Variants in PCDH9 observed in about 807,000 individuals in gnomAD.
PCDH9 encodes the protein protocadherin-9.
In PCDH9, 24 loss-of-function variants were observed where a neutral mutation model predicts 70.6. The ratio of observed to expected loss-of-function variants is 0.34; its 90% CI spans 0.25 to 0.48. The LOEUF (loss-of-function observed/expected upper bound fraction) is 0.48. Ranked by LOEUF, PCDH9 falls within the 20% of genes least tolerant of loss-of-function variation. PCDH9 has a pLI of 0.99. For synonymous variants in PCDH9, 562 were observed against 558.5 expected (o/e 1.01, Z -0.09); for missense variants, 1,281 against 1,503.6 (o/e 0.85, Z 2.45).
intron 4 of PCDH9, among the ~76,000 whole-genome samples, chr13:66,607,286 G>A (rs1232731457): frequency 6.6e-6 from 1 of 151,982 alleles, no homozygotes; most frequent in Non-Finnish European, 1.5e-5. Context: ...GTACTTAATT[G>A]ATAAGTATGA....
chr13:66,883,654 AAGGCCTTCAAGAAAGAAACCTGGGGTTTT>A (rs1323628941), intron 3 of PCDH9, among the ~76,000 whole-genome samples: 2 of 152,206 alleles, frequency 1.3e-5, no homozygotes, highest in African/African-American at 2.4e-5. Context: ...GAGTTAAAAA[AAGGCCTTCAAGAAAGAAACCTGGGGTTTT>A]TAATATTTGC....
intron 2 of PCDH9, chr13:67,205,349 C>T (rs1409677809): frequency 2.0e-5 from 3 of 152,116 alleles, no homozygotes; most frequent in Admixed American, 6.5e-5. Flanking sequence ...TTGAATACTG[C>T]TTTTTAATTA....
At chr13:66,954,791 T>A (rs553590392) in intron 2 of PCDH9, among the ~76,000 whole-genome samples, 7 of 152,162 alleles carry the variant, frequency 4.6e-5, no homozygotes, top group Non-Finnish European at 8.8e-5. Context: ...TGAGACGGAG[T>A]CTCGCTCTGT....
chr13:66,813,902 T>C (rs1303827637), intron 3 of PCDH9, among the ~76,000 whole-genome samples: 3 of 152,036 alleles, frequency 2.0e-5, no homozygotes, highest in African/African-American at 4.8e-5. Context: ...AGTTGAAAAA[T>C]AGTAAAGATA....
chr13:67,080,714 G>A (rs1056120084), intron 2 of PCDH9, among the ~76,000 whole-genome samples: 1 of 152,126 alleles, frequency 6.6e-6, no homozygotes, highest in Admixed American at 6.6e-5. Context: ...TTGTATTCAG[G>A]CAAACTGCCT....
intron 2 of PCDH9, among the ~76,000 whole-genome samples, chr13:67,151,516 G>C (rs1286671808): frequency 6.6e-6 from 1 of 151,990 alleles, no homozygotes; most frequent in Non-Finnish European, 1.5e-5. Flanking sequence ...AAAAAAAATA[G>C]GCATAGTTTT....
intron 3 of PCDH9, among the ~76,000 whole-genome samples, chr13:66,871,411 A>C (rs1221120593): frequency 7.3e-6 from 1 of 137,690 alleles, no homozygotes; most frequent in Non-Finnish European, 1.6e-5. Context: ...TAAAAATAAA[A>C]ATAAAAAATA....
At chr13:67,002,459 TA>T (rs1220748183) in intron 2 of PCDH9, among the ~76,000 whole-genome samples, 4 of 151,934 alleles carry the variant, frequency 2.6e-5, no homozygotes, top group African/African-American at 9.6e-5. Context: ...TCTGAATTTT[TA>T]AATTTATTAA....
chr13:67,025,263 G>C (rs2084757493), intron 2 of PCDH9, among the ~76,000 whole-genome samples: 1 of 152,010 alleles, frequency 6.6e-6, no homozygotes, highest in Non-Finnish European at 1.5e-5. Context: ...TGAAAAGCCA[G>C]GCCATGTGGT....
intron 4 of PCDH9, among the ~76,000 whole-genome samples, chr13:66,324,584 T>C (rs1241187261): frequency 1.3e-5 from 2 of 152,016 alleles, no homozygotes; most frequent in Non-Finnish European, 2.9e-5. Context: ...TAAAACTATA[T>C]GTGCCAATTA....
intron 3 of PCDH9, among the ~76,000 whole-genome samples, chr13:66,689,118 T>C (rs1421886066): frequency 6.6e-6 from 1 of 152,148 alleles, no homozygotes; most frequent in East Asian, 1.9e-4. Context: ...ATGCTATCCT[T>C]ATAAATTCTG....
chr13:67,203,208 G>A (rs1007182638), intron 2 of PCDH9: 2 of 151,946 alleles, frequency 1.3e-5, no homozygotes, highest in Admixed American at 1.3e-4. Flanking sequence ...ATATAAACAA[G>A]CTTTCATAAG....
At chr13:66,400,013 C>G in intron 4 of PCDH9, among the ~76,000 whole-genome samples, 1 of 152,156 alleles carries the variant, frequency 6.6e-6, no homozygotes, top group East Asian at 1.9e-4. Context: ...CAAAGCTATT[C>G]CCAGTGCAGT....
At chr13:66,636,565 G>T (rs1381738614) in intron 3 of PCDH9, among the ~76,000 whole-genome samples, 3 of 151,956 alleles carry the variant, frequency 2.0e-5, no homozygotes, top group Non-Finnish European at 4.4e-5. Flanking sequence ...GTTATACATT[G>T]ATATTATGAA....
At chr13:66,315,877 C>T (rs890960926) in intron 4 of PCDH9, among the ~76,000 whole-genome samples, 30 of 152,176 alleles carry the variant, frequency 2.0e-4, no homozygotes, top group Non-Finnish European at 3.5e-4. Flanking sequence ...CCTGTTGCCA[C>T]GGAGACAAAT....
At chr13:67,166,511 G>A (rs2088120239) in intron 2 of PCDH9, among the ~76,000 whole-genome samples, 1 of 152,082 alleles carries the variant, frequency 6.6e-6, no homozygotes, top group Non-Finnish European at 1.5e-5. Flanking sequence ...ATTTTAATGA[G>A]CTTTTATAAA....
chr13:67,199,162 A>T (rs1366399252), intron 2 of PCDH9, among the ~76,000 whole-genome samples: 1 of 151,596 alleles, frequency 6.6e-6, no homozygotes, highest in African/African-American at 2.4e-5. Flanking sequence ...GTATAAATAT[A>T]TTCTATATCT....
At chr13:66,758,888 T>C (rs1358347392) in intron 3 of PCDH9, among the ~76,000 whole-genome samples, 2 of 152,068 alleles carry the variant, frequency 1.3e-5, no homozygotes, top group Admixed American at 6.5e-5. Flanking sequence ...CATTTCTTTT[T>C]GCTTATCCAA....
At chr13:66,664,380 G>A (rs1474908152) in intron 3 of PCDH9, among the ~76,000 whole-genome samples, 1 of 151,586 alleles carries the variant, frequency 6.6e-6, no homozygotes, top group African/African-American at 2.4e-5. Flanking sequence ...GCTGGAGGTT[G>A]AACATGGACA....
Sources: gnomAD v4.1 joint callset for allele counts (sites outside exome capture counted in the v4.1 genomes callset) on GRCh38, gnomAD v4.1.1 for gene constraint, MANE v1.5 for transcripts, NCBI Gene and HGNC (gene_info 2026-07-23, HGNC 2026-07-21) for gene names.